ATP13A3: variants seen among roughly 807,000 people sequenced by gnomAD.
The protein encoded by ATP13A3 is ATPase 13A3, also known as polyamine-transporting ATPase 13A3.
In ATP13A3, 59 loss-of-function variants were observed where a neutral mutation model predicts 158.1. That is an observed-to-expected ratio of 0.37 (90% confidence interval 0.30 to 0.46). The LOEUF is 0.46. ATP13A3 is among the 20% of genes least tolerant of loss of function. The probability of loss-of-function intolerance (pLI) is 1.00; values close to 1 mark genes in which losing one functional copy is unlikely to be tolerated. For missense variants in ATP13A3, 1,166 were observed against 1,525.2 expected (o/e 0.76, Z 3.92); for synonymous variants, 491 against 504.3 (o/e 0.97, Z 0.35).
At chr3:194,466,050 T>C (rs1719970888) in intron 2 of ATP13A3, among the ~76,000 whole-genome samples, 1 of 151,980 alleles carries the variant, frequency 6.6e-6, no homozygotes, top group South Asian at 2.1e-4. Flanking sequence ...AAATACAAAG[T>C]ATTCTGAACT....
chr3:194,475,220 C>T (rs1720473811), intron 2 of ATP13A3, among the ~76,000 whole-genome samples: 1 of 152,114 alleles, frequency 6.6e-6, no homozygotes, highest in Non-Finnish European at 1.5e-5. Context: ...TGATAGCAAA[C>T]CTAAAAATAA....
intron 2 of ATP13A3, among the ~76,000 whole-genome samples, chr3:194,484,847 G>A (rs992167042): frequency 1.3e-4 from 20 of 152,136 alleles, no homozygotes; most frequent in Non-Finnish European, 4.4e-5. Flanking sequence ...CCTGAAGTCA[G>A]TAGTTCACGA....
intron 33 of ATP13A3, among the ~76,000 whole-genome samples, chr3:194,407,958 T>TC (rs1354806326): frequency 6.6e-6 from 1 of 152,066 alleles, no homozygotes; most frequent in Non-Finnish European, 1.5e-5. Context: ...TCCCAAGGTG[T>TC]CATTTGTCAA....
intron 20 of ATP13A3, among the ~76,000 whole-genome samples, chr3:194,436,084 C>T (rs886890697): frequency 2.0e-5 from 3 of 151,848 alleles, no homozygotes; most frequent in African/African-American, 7.3e-5. Context: ...TTGTGGTTCC[C>T]GACATGCATA....
At position 194,431,757 on chromosome 3, in the gene ATP13A3, G is replaced by A. The variant is rs1480165427; in HGVS notation, c.2381C>T (p.Ser794Phe). ...TGATGGATGACTGCACTGCGTGAGG[G>A]AGTCTGCATAATGCCAATTTATTTT... ...VAKINWHYAD[S>F]LTQCSHPSAI... Residue 794 changes from serine (S) to phenylalanine (F), a missense_variant, in exon 22 of 34, where the codon TCC (serine) becomes TTC (phenylalanine). Physicochemically the swap from Ser to Phe is radical, Grantham distance 155. Transcript: ENST00000645319. The A allele has an allele frequency of 3.1e-6, 5 of 1,611,198 alleles. No individual in the cohort carries two copies. The South Asian group carries it at 4.4e-5, about 14-fold the overall frequency.
intron 14 of ATP13A3, among the ~76,000 whole-genome samples, chr3:194,445,399 G>C (rs1294097596): frequency 6.6e-6 from 1 of 152,212 alleles, no homozygotes; most frequent in Non-Finnish European, 1.5e-5. Flanking sequence ...TGCTAATTCT[G>C]TTAAATGTGA....
intron 20 of ATP13A3, among the ~76,000 whole-genome samples, chr3:194,435,702 T>C (rs1717581946): frequency 6.6e-6 from 1 of 151,856 alleles, no homozygotes; most frequent in African/African-American, 2.4e-5. Context: ...AGGTCAGGAG[T>C]TCGAGACCAG....
intron 31 of ATP13A3, among the ~76,000 whole-genome samples, chr3:194,416,860 T>G (rs1715891452): frequency 6.6e-6 from 1 of 152,184 alleles, no homozygotes. Flanking sequence ...ACAACTGTAT[T>G]GAGTTCAACA....
chr3:194,413,800 T>G lies in ATP13A3; in HGVS notation c.3442A>C (p.Ile1148Leu). The G allele has an allele frequency of 6.2e-7, 1 of 1,614,028 alleles. No homozygotes were observed. Residue 1148 changes from isoleucine (I) to leucine (L), a missense_variant, in exon 32 of 34, where the codon ATC (isoleucine) becomes CTC (leucine). Physicochemically the swap from Ile to Leu is conservative, Grantham distance 5. This residue lies in a region of ATP13A3 where 997 missense variants were observed against 1,341.2 expected (regional missense o/e 0.74). Transcript: ENST00000645319. Reference sequence around the variant, plus strand: ...ACAAAGGCATTGACAAGAACAATGATGAGCATAGTTACACGCCACTGATAT... The same window carrying G: ...ACAAAGGCATTGACAAGAACAATGAGGAGCATAGTTACACGCCACTGATAT... ...VPYQWRVTML[I>L]IVLVNAFVSI...
chr3:194,480,234 C>A (rs1720696179), intron 2 of ATP13A3, among the ~76,000 whole-genome samples: 1 of 152,154 alleles, frequency 6.6e-6, no homozygotes, highest in Non-Finnish European at 1.5e-5. Context: ...CTTACTTAAC[C>A]CAGACTACAA....
At chr3:194,434,431 A>G (rs553311601) in intron 20 of ATP13A3, among the ~76,000 whole-genome samples, 7 of 152,342 alleles carry the variant, frequency 4.6e-5, no homozygotes, top group African/African-American at 1.7e-4. Context: ...GCTATTCTTT[A>G]AATAACTGAG....
chr3:194,428,722 T>A (rs1716998131), intron 28 of ATP13A3, 123 bp downstream of exon 28: 1 of 611,602 alleles, frequency 1.6e-6, no homozygotes, highest in Admixed American at 3.8e-5. Context: ...AAATAACATA[T>A]TTACAAGGAA....
chr3:194,458,537 C>A (rs931921877), intron 6 of ATP13A3, among the ~76,000 whole-genome samples: 5 of 152,062 alleles, frequency 3.3e-5, no homozygotes, highest in African/African-American at 1.2e-4. Context: ...TTATAGCCAT[C>A]CATCACCAGG....
chr3:194,458,341 A>C (rs944709511), intron 6 of ATP13A3, among the ~76,000 whole-genome samples: 4 of 121,606 alleles, frequency 3.3e-5, no homozygotes, highest in Non-Finnish European at 4.8e-5. Flanking sequence ...GTGCCAAGTC[A>C]AAAAAAAAAA....
At chr3:194,420,046 A>G in intron 30 of ATP13A3, 79 bp from the exon 31 acceptor site, 1 of 1,385,678 alleles carries the variant, frequency 7.2e-7, no homozygotes, top group Non-Finnish European at 9.4e-7. Flanking sequence ...CAGCTGGTAT[A>G]CTGTCATTTG....
chr3:194,427,148 T>C lies in ATP13A3; in HGVS notation c.3052A>G (p.Ile1018Val), dbSNP rs1469844535. The C allele has an allele frequency of 3.7e-6, 6 of 1,613,840 alleles. No homozygotes were observed. The highest frequency in any genetic ancestry group is 4.2e-6 in the Non-Finnish European group (5 of 1,179,958). Reference protein sequence around the residue: ...FSVLSQIIICIGFQSLGFFWV... With the variant: ...FSVLSQIIICVGFQSLGFFWV... ...AAAAAACCCAAAGATTGAAATCCAA[T>C]GCAGATGATAATCTGAGACAAAACG... The change falls in exon 29 of 34, where the codon ATT (isoleucine) becomes GTT (valine). Residue 1018 changes from isoleucine to valine, a missense_variant. Around this residue, in one of 3 missense-constraint regions of ATP13A3, gnomAD observed 997 missense variants for 1,341.2 expected, o/e 0.74. Coordinates refer to ENST00000645319, the MANE Select transcript of ATP13A3 (RefSeq NM_001367549.1).
chr3:194,463,870 G>T (rs1297789314), intron 2 of ATP13A3, among the ~76,000 whole-genome samples: 2 of 152,146 alleles, frequency 1.3e-5, no homozygotes, highest in Admixed American at 6.5e-5. Flanking sequence ...CAATAAGAGG[G>T]GTCTATCTGC....
At chr3:194,415,661 C>CTTTTTTTTTTTTTTTTTTTTTTTTTTTTT (rs751005733) in intron 31 of ATP13A3, among the ~76,000 whole-genome samples, 4 of 90,928 alleles carry the variant, frequency 4.4e-5, no homozygotes, top group Admixed American at 1.2e-4. Flanking sequence ...ATACCACATT[C>CTTTTTTTTTTTTTTTTTTTTTTTTTTTTT]TTTTTTTTTT....
intron 2 of ATP13A3, among the ~76,000 whole-genome samples, chr3:194,480,437 T>C (rs1415122981): frequency 3.2e-5 from 4 of 124,326 alleles, no homozygotes; most frequent in Admixed American, 1.6e-4. Flanking sequence ...TTAAATTTCA[T>C]GGAATCCATT....
Sources: gnomAD v4.1 joint callset for allele counts (sites outside exome capture counted in the v4.1 genomes callset) on GRCh38, gnomAD v4.1.1 for gene constraint, gnomAD v4.1.1 regional missense constraint, MANE v1.5 for transcripts, NCBI Gene and HGNC (gene_info 2026-07-23, HGNC 2026-07-21) for gene names.